Variants in ROS1 observed in about 807,000 individuals in gnomAD.
ROS1 encodes the protein proto-oncogene tyrosine-protein kinase ROS.
A neutral mutation model predicts 273.5 loss-of-function variants in ROS1; 263 were observed. The ratio of observed to expected loss-of-function variants is 0.96; its 90% CI spans 0.87 to 1.06. The LOEUF (loss-of-function observed/expected upper bound fraction) is 1.06, where lower values mean the gene tolerates loss of function less well. ROS1 is among the 50% of genes least tolerant of loss of function. ROS1 has a pLI of 0.00. For synonymous variants in ROS1, 1,008 were observed against 954.1 expected, an observed-to-expected ratio of 1.06 and a Z score of -1.04; for missense variants, 2,833 against 2,751.1, an observed-to-expected ratio of 1.03 and a Z score of -0.67.
intron 31 of ROS1, among the ~76,000 whole-genome samples, chr6:117,339,632 T>C (rs954411175): frequency 6.6e-6 from 1 of 152,130 alleles, no homozygotes; most frequent in Non-Finnish European, 1.5e-5. Context: ...TAGTTAGTAT[T>C]TGTAGATGGC....
intron 1 of ROS1, among the ~76,000 whole-genome samples, chr6:117,424,518 G>A (rs868024768): frequency 2.6e-5 from 4 of 151,814 alleles, no homozygotes; most frequent in Non-Finnish European, 1.5e-5. Flanking sequence ...GAAACATTTA[G>A]TAGTTCCATT....
At chr6:117,292,345 A>G (rs1773900212) in intron 43 of ROS1, among the ~76,000 whole-genome samples, 1 of 152,166 alleles carries the variant, frequency 6.6e-6, no homozygotes, top group Non-Finnish European at 1.5e-5. Context: ...ATTTTAGAAT[A>G]CAAGTCAACT....
At chr6:117,359,732 G>A (rs1779624826) in intron 24 of ROS1, 77 bp downstream of exon 24, 1 of 1,189,688 alleles carries the variant, frequency 8.4e-7, no homozygotes, top group South Asian at 1.3e-5. Context: ...CCGTTTTCCA[G>A]TCATTTTAAC....
intron 12 of ROS1, among the ~76,000 whole-genome samples, chr6:117,391,237 G>A (rs1218303835): frequency 6.6e-6 from 1 of 152,116 alleles, no homozygotes; most frequent in Non-Finnish European, 1.5e-5. Context: ...CAGGCAAAAA[G>A]CAAAAACAGC....
At chr6:117,419,606 G>A (rs190845687) in intron 1 of ROS1, among the ~76,000 whole-genome samples, 95 of 152,284 alleles carry the variant, frequency 6.2e-4, no homozygotes, top group Middle Eastern at 3.4e-3. Flanking sequence ...GTGTTTTCAT[G>A]ATTTTGTTCA....
Position 117,393,330 on chromosome 6 carries a change from A to T in ROS1, c.1192-9T>A, listed in dbSNP as rs1398792498. The T allele has an allele frequency of 2.7e-6, 4 of 1,506,214 alleles. No homozygotes were observed. Among genetic ancestry groups the T allele is most frequent in the Non-Finnish European group, 3.7e-6 (4 of 1,083,620 alleles). The allele number at this position is 1,506,214 out of a possible 1,614,324, so 93.3% of individuals were successfully genotyped here. ...AAATCACAGACACATACCTAAAAAAATAAAAAATATACCGGTAGGATTAGC... is the reference window on the plus strand; with the variant it reads ...AAATCACAGACACATACCTAAAAAATTAAAAAATATACCGGTAGGATTAGC... On this transcript the variant is annotated splice_polypyrimidine_tract_variant and intron_variant, in intron 11 of 43. Coordinates refer to ENST00000368507, the MANE Select transcript of ROS1 (RefSeq NM_001378902.1).
At chr6:117,347,225 C>G (rs980173238) in intron 27 of ROS1, among the ~76,000 whole-genome samples, 1 of 152,030 alleles carries the variant, frequency 6.6e-6, no homozygotes, top group Non-Finnish European at 1.5e-5. Context: ...TTATTTAGCA[C>G]TTTGATTTCT....
At chr6:117,402,794 A>G (rs759167868) in intron 7 of ROS1, among the ~76,000 whole-genome samples, 3 of 151,454 alleles carry the variant, frequency 2.0e-5, no homozygotes, top group South Asian at 2.1e-4. Flanking sequence ...AGGCTGAGGC[A>G]GGGGAATCAC....
rs540785287 is a variant in ROS1 at position 117,341,125 on chromosome 6, A to G, written c.5061+10T>C. The stretch of plus-strand genomic sequence containing the variant: ...ATATCATAAAATAAAGACTTGCATT[A>G]AAAGTCTACCTTCTGTAGCTCAACC... On this transcript the variant is annotated intron_variant, in intron 31 of 43. Transcript: ENST00000368507. The G allele has an allele frequency of 1.6e-5, 25 of 1,574,960 alleles. No homozygotes were observed. The highest frequency in any genetic ancestry group is 3.4e-4 in the Middle Eastern group (2 of 5,876).
chr6:117,408,983 AT>A lies in ROS1; in HGVS notation c.316+598del, dbSNP rs1774662375. The stretch of plus-strand genomic sequence containing the variant: ...GCGAGGACAAAAAACCAAACACTGC[AT>A]GTTCTCACTCATAGGTGGTAATTGA... On this transcript the variant is annotated intron_variant, in intron 5 of 43. Transcript: ENST00000368507. 2.0e-5 allele frequency among the ~76,000 whole-genome samples: 3 copies of A among 147,600 alleles called. No individual in the cohort carries two copies. The South Asian group carries it at 6.6e-4, about 33-fold the overall frequency.
chr6:117,424,885 T>C (rs764051621), intron 1 of ROS1, among the ~76,000 whole-genome samples: 1 of 152,160 alleles, frequency 6.6e-6, no homozygotes, highest in Non-Finnish European at 1.5e-5. Context: ...TCTCTGTCTA[T>C]AGAGTACTTG....
At chr6:117,307,948 C>A (rs1260498420) in intron 42 of ROS1, among the ~76,000 whole-genome samples, 1 of 152,146 alleles carries the variant, frequency 6.6e-6, no homozygotes, top group Non-Finnish European at 1.5e-5. Flanking sequence ...CTGTGGGTGT[C>A]TTTTCATTCA....
At chr6:117,346,902 G>A (rs1053002886) in intron 27 of ROS1, among the ~76,000 whole-genome samples, 20 of 149,648 alleles carry the variant, frequency 1.3e-4, no homozygotes, top group Admixed American at 6.0e-4. Context: ...CTGTCTATTC[G>A]CCACTTCTTC....
intron 42 of ROS1, among the ~76,000 whole-genome samples, chr6:117,305,783 C>G (rs1775053888): frequency 6.6e-6 from 1 of 152,118 alleles, no homozygotes; most frequent in Non-Finnish European, 1.5e-5. Context: ...AGGATCTTCC[C>G]TTACAAATAT....
intron 42 of ROS1, among the ~76,000 whole-genome samples, chr6:117,304,417 A>C (rs980336051): frequency 2.0e-5 from 3 of 152,264 alleles, no homozygotes; most frequent in African/African-American, 7.2e-5. Context: ...TTGCCAAGGC[A>C]TAGAGAGAAT....
Position 117,311,016 on chromosome 6 carries a change from G to A in ROS1, c.6215+4C>T. Reference sequence around the variant, plus strand: ...ATAACCCTGTATCCAGAAGAGAATTGTACCTGTGAATGAAATGCATCCGTT... The same window carrying A: ...ATAACCCTGTATCCAGAAGAGAATTATACCTGTGAATGAAATGCATCCGTT... On this transcript the variant is annotated splice_donor_region_variant and intron_variant, in intron 40 of 43. Coordinates refer to ENST00000368507, the MANE Select transcript of ROS1 (RefSeq NM_001378902.1). The A allele has an allele frequency of 3.2e-6, 5 of 1,583,046 alleles. No homozygotes were observed. Among genetic ancestry groups the A allele is most frequent in the Non-Finnish European group, 4.3e-6 (5 of 1,154,464 alleles).
At position 117,357,848 on chromosome 6, in the gene ROS1, A is replaced by G. The variant is rs373329676; in HGVS notation, c.3795T>C (p.Asn1265=). 36 of 1,613,224 alleles carry G rather than the reference A, an allele frequency of 2.2e-5. 1 individual carries two copies. The East Asian group carries it at 6.3e-4, about 28-fold the overall frequency. ...AAAAAGAAATTATTGTTGAATTCCTATTGTGAATCTTCACCTCTCTGGGAT... is the reference window on the plus strand; with the variant it reads ...AAAAAGAAATTATTGTTGAATTCCTGTTGTGAATCTTCACCTCTCTGGGAT... The part of the protein sequence containing the change: ...VKYPREVKIH[N]RNSTIISFSV... The change falls in exon 25 of 44, where the codon AAT becomes AAC. Residue 1265 remains asparagine, a synonymous_variant. Transcript: ENST00000368507.
intron 32 of ROS1, among the ~76,000 whole-genome samples, chr6:117,332,204 G>A (rs1777130549): frequency 6.7e-6 from 1 of 149,618 alleles, no homozygotes; most frequent in Non-Finnish European, 1.5e-5. Flanking sequence ...CCTAGTCTCT[G>A]ACAAAACAGA....
chr6:117,298,043 G>GA (rs1774389650), intron 43 of ROS1, among the ~76,000 whole-genome samples: 1 of 137,498 alleles, frequency 7.3e-6, no homozygotes, highest in Non-Finnish European at 1.6e-5. Flanking sequence ...CCACTAAAAA[G>GA]GAATGAAATC....
Sources: gnomAD v4.1 joint callset for allele counts (sites outside exome capture counted in the v4.1 genomes callset) on GRCh38, gnomAD v4.1.1 for gene constraint, MANE v1.5 for transcripts, NCBI Gene and HGNC (gene_info 2026-07-23, HGNC 2026-07-21) for gene names.